Variants in HTRA1 observed in about 807,000 individuals in gnomAD.
HTRA1 encodes serine protease HTRA1.
HTRA1 carries 26 observed loss-of-function variants against 49.7 expected under a neutral mutation model. That is an observed-to-expected ratio of 0.52 (90% CI 0.38 to 0.73). The LOEUF is 0.73. HTRA1 is among the 30% of genes least tolerant of loss of function. HTRA1 has a pLI of 0.00. For missense variants in HTRA1, 561 were observed against 667.2 expected (o/e 0.84, Z 1.75); for synonymous variants, 291 against 286.9 (o/e 1.01, Z -0.14).
At chr10:122,492,956 C>T (rs1054206912) in intron 3 of HTRA1, among the ~76,000 whole-genome samples, 1 of 152,182 alleles carries the variant, frequency 6.6e-6, no homozygotes, top group South Asian at 2.1e-4. Context: ...TGAGTTCTTG[C>T]ACTTTGTGAG....
At position 122,489,010 on chromosome 10, in the gene HTRA1, A is replaced by G. The variant is rs1300248318; in HGVS notation, c.572+9A>G. The G allele has an allele frequency of 6.2e-7, 1 of 1,601,972 alleles. No individual in the cohort carries two copies. The highest frequency in any genetic ancestry group is 1.1e-5 in the South Asian group (1 of 90,854). ...ATCGAATTGTTTCGCAAGTAAAGAG[A>G]GCCTTCCTTTTTCCTATAACCTCCG... On this transcript the variant is annotated intron_variant, in intron 2 of 8. Coordinates refer to ENST00000368984, the MANE Select transcript of HTRA1 (RefSeq NM_002775.5).
chr10:122,478,412 A>G (rs1394426320), intron 1 of HTRA1, among the ~76,000 whole-genome samples: 5 of 11,066 alleles, frequency 4.5e-4, no homozygotes, highest in East Asian at 2.5e-3. Context: ...TTTTTTTTTG[A>G]GACGGACTCT....
At chr10:122,485,972 GCT>G (rs2133436328) in intron 1 of HTRA1, among the ~76,000 whole-genome samples, 1 of 152,308 alleles carries the variant, frequency 6.6e-6, no homozygotes, top group Admixed American at 6.5e-5. Context: ...CATTCGCCAG[GCT>G]CTGTTTTCAG....
At chr10:122,481,269 CT>C (rs574413177) in intron 1 of HTRA1, among the ~76,000 whole-genome samples, 144 of 152,096 alleles carry the variant, frequency 9.5e-4, no homozygotes, top group African/African-American at 3.4e-3. Context: ...AGCAATTTAA[CT>C]AGACACAGAA....
At chr10:122,509,968 G>A (rs1458159231) in intron 6 of HTRA1, 128 bp from the exon 7 acceptor site, 2 of 775,510 alleles carry the variant, frequency 2.6e-6, no homozygotes, top group East Asian at 2.5e-5. Context: ...CAGGATTTGA[G>A]CCGCAACCTC....
intron 1 of HTRA1, among the ~76,000 whole-genome samples, chr10:122,484,941 C>T (rs1006130526): frequency 1.6e-4 from 24 of 152,230 alleles, no homozygotes; most frequent in Non-Finnish European, 7.3e-5. Context: ...TGGGAATTCT[C>T]CATCGGGATT....
intron 3 of HTRA1, among the ~76,000 whole-genome samples, chr10:122,492,798 T>C (rs2097496569): frequency 1.3e-5 from 2 of 152,112 alleles, no homozygotes; most frequent in South Asian, 4.2e-4. Context: ...CATGGTGTCC[T>C]ACCCTCTGTG....
Position 122,490,364 on chromosome 10 carries a change from C to T in HTRA1, c.777+738C>T, listed in dbSNP as rs557433612. On this transcript the variant is annotated intron_variant, in intron 3 of 8. Coordinates refer to ENST00000368984, the MANE Select transcript of HTRA1 (RefSeq NM_002775.5). The surrounding 1 kb of genome is among the most constrained non-coding windows in gnomAD (Gnocchi z 4.2). ...GAAATGCTGTATTTGAAAATGCTTT[C>T]TATTTAAATATTCTCTTTGCAATCA... is the stretch of plus-strand genomic sequence containing the variant. Among the ~76,000 whole-genome samples, 3 of 152,310 alleles carry T rather than the reference C, an allele frequency of 2.0e-5. No homozygotes were observed. The South Asian group carries it at 6.2e-4, about 32-fold the overall frequency.
chr10:122,504,019 C>T (rs876790), intron 3 of HTRA1, among the ~76,000 whole-genome samples: 110,711 of 152,044 alleles, frequency 0.73, 40,615 homozygotes, highest in Non-Finnish European at 0.77. Flanking sequence ...TTGTCGAAGC[C>T]CATGTGGTCA....
chr10:122,498,746 C>G (rs115301614), intron 3 of HTRA1, among the ~76,000 whole-genome samples: 2,457 of 152,350 alleles, frequency 0.016, 77 homozygotes, highest in African/African-American at 0.055. Flanking sequence ...GACCCGTGTA[C>G]TCACAGGCCC....
At chr10:122,493,240 G>A (rs1323406280) in intron 3 of HTRA1, among the ~76,000 whole-genome samples, 1 of 152,146 alleles carries the variant, frequency 6.6e-6, no homozygotes, top group Admixed American at 6.5e-5. Context: ...CCCCGGCCAG[G>A]CATCCCTTTC....
intron 1 of HTRA1, among the ~76,000 whole-genome samples, chr10:122,480,782 T>C (rs2097490649): frequency 6.6e-6 from 1 of 152,146 alleles, no homozygotes; most frequent in Non-Finnish European, 1.5e-5. Context: ...ATCTGAAACT[T>C]GTACAATTCA....
chr10:122,503,680 T>C (rs930662128), intron 3 of HTRA1, among the ~76,000 whole-genome samples: 3 of 152,116 alleles, frequency 2.0e-5, no homozygotes, highest in Non-Finnish European at 4.4e-5. Context: ...GGGGGGAAAA[T>C]ATAGCTCAAC....
At chr10:122,502,864 C>T (rs942218817) in intron 3 of HTRA1, among the ~76,000 whole-genome samples, 2 of 152,232 alleles carry the variant, frequency 1.3e-5, no homozygotes, top group Non-Finnish European at 2.9e-5. Context: ...TGCAGTCATG[C>T]CCACACTTGC....
In HTRA1 at chr10:122,494,956, A is replaced by AG. The variant is rs1295609717; in HGVS notation, c.777+5335dup. Among the ~76,000 whole-genome samples the AG allele has an allele frequency of 6.6e-6, 1 of 151,934 alleles. No homozygotes were observed. Among genetic ancestry groups the AG allele is most frequent in the Non-Finnish European group, 1.5e-5 (1 of 67,976 alleles). On this transcript the variant is annotated intron_variant, in intron 3 of 8. Coordinates refer to ENST00000368984, the MANE Select transcript of HTRA1 (RefSeq NM_002775.5). The surrounding 1 kb of genome is among the most constrained non-coding windows in gnomAD (Gnocchi z 4.0). ...GAATCTTCCCTGAGTCAGCTGAGTG[A>AG]GGGGGTTCAGGCAGCCCCCCGGGAC...
intron 1 of HTRA1, among the ~76,000 whole-genome samples, chr10:122,475,525 A>G (rs1400176800): frequency 6.6e-6 from 1 of 152,272 alleles, no homozygotes; most frequent in Non-Finnish European, 1.5e-5. Context: ...TTTTAAACAA[A>G]TAATAATTCC....
chr10:122,496,248 T>TTG, intron 3 of HTRA1, among the ~76,000 whole-genome samples: 1 of 118,520 alleles, frequency 8.4e-6, no homozygotes, highest in Non-Finnish European at 1.7e-5. Context: ...TTTTTTTTTT[T>TTG]TTTTTTTTTT....
chr10:122,492,548 G>A (rs1189448654), intron 3 of HTRA1, among the ~76,000 whole-genome samples: 1 of 152,016 alleles, frequency 6.6e-6, no homozygotes, highest in East Asian at 1.9e-4. Context: ...TGGCCAGGCT[G>A]GTCTCAAACT....
intron 1 of HTRA1, among the ~76,000 whole-genome samples, chr10:122,465,729 C>G (rs965230576): frequency 2.0e-5 from 3 of 152,064 alleles, no homozygotes; most frequent in African/African-American, 2.4e-5. Context: ...TAAAGAAAAG[C>G]AAAAAGAGCC....
Sources: gnomAD v4.1 joint callset for allele counts (sites outside exome capture counted in the v4.1 genomes callset) on GRCh38, gnomAD v4.1.1 for gene constraint, Gnocchi (gnomAD v3.1) non-coding constraint, MANE v1.5 for transcripts, NCBI Gene and HGNC (gene_info 2026-07-23, HGNC 2026-07-21) for gene names.